The following PTPRT variants were observed in gnomAD, a reference collection of about 807,000 sequenced individuals.
PTPRT encodes the protein protein tyrosine phosphatase receptor type T.
Under a neutral mutation model 176.8 loss-of-function variants are expected in PTPRT, and 56 were observed. That is an observed-to-expected ratio of 0.32 (90% CI 0.26 to 0.40). PTPRT has a LOEUF of 0.40. Among genes scored for constraint, PTPRT ranks in the 10% least tolerant of loss-of-function variants. The probability of loss-of-function intolerance (pLI) is 1.00; values close to 1 mark genes in which losing one functional copy is unlikely to be tolerated. For synonymous variants in PTPRT, 783 were observed against 739.0 expected (o/e 1.06, Z -0.96); for missense variants, 1,540 against 1,908.2 (o/e 0.81, Z 3.60).
intron 1 of PTPRT, among the ~76,000 whole-genome samples, chr20:42,940,424 G>A (rs772257386): frequency 1.3e-5 from 2 of 152,190 alleles, no homozygotes; most frequent in African/African-American, 4.8e-5. Context: ...TATTTCAAGA[G>A]AGATAAAAAC....
intron 1 of PTPRT, among the ~76,000 whole-genome samples, chr20:43,000,088 A>AGGGT (rs1463405696): frequency 2.8e-5 from 1 of 35,306 alleles, no homozygotes; most frequent in Non-Finnish European, 5.4e-5. Context: ...GGAGGGAGGG[A>AGGGT]GGGAGGGAGG....
intron 13 of PTPRT, among the ~76,000 whole-genome samples, chr20:42,254,332 T>C (rs2056600267): frequency 6.6e-6 from 1 of 151,916 alleles, no homozygotes; most frequent in Admixed American, 6.6e-5. Flanking sequence ...AACTTGGGAG[T>C]CTATAAAAAA....
At chr20:42,375,319 C>T (rs1289819681) in intron 9 of PTPRT, among the ~76,000 whole-genome samples, 1 of 152,124 alleles carries the variant, frequency 6.6e-6, no homozygotes, top group Non-Finnish European at 1.5e-5. Context: ...ACAAGGGGTG[C>T]CACGGTGTAA....
intron 1 of PTPRT, among the ~76,000 whole-genome samples, chr20:43,182,307 C>T (rs926979017): frequency 6.6e-6 from 1 of 151,972 alleles, no homozygotes; most frequent in African/African-American, 2.4e-5. Flanking sequence ...AACTGTGGAA[C>T]ATGTAGTCGG....
the PTPRT span, among the ~76,000 whole-genome samples, chr20:42,062,557 A>G: frequency 1.3e-5 from 2 of 152,198 alleles, no homozygotes; most frequent in African/African-American, 4.8e-5. Context: ...TATTCCCAAC[A>G]TCATGCACAT....
At chr20:42,428,167 G>A (rs1360862815) in intron 9 of PTPRT, among the ~76,000 whole-genome samples, 2 of 152,276 alleles carry the variant, frequency 1.3e-5, no homozygotes, top group East Asian at 1.9e-4. Flanking sequence ...TCAGACTATG[G>A]CCACCCCCAG....
At chr20:42,068,723 A>C (rs1489007909), downstream of PTPRT, among the ~76,000 whole-genome samples, 5 of 152,208 alleles carry the variant, frequency 3.3e-5, no homozygotes, top group Non-Finnish European at 7.3e-5. Context: ...TGTGTCTTGT[A>C]ATCAGAGGAA....
chr20:42,619,992 G>A (rs1338726368), intron 7 of PTPRT, among the ~76,000 whole-genome samples: 2 of 149,972 alleles, frequency 1.3e-5, no homozygotes, highest in Non-Finnish European at 1.5e-5. Context: ...GAGGAACTGC[G>A]TTCCTTTGGA....
At chr20:43,111,593 T>C (rs1419859929) in intron 1 of PTPRT, among the ~76,000 whole-genome samples, 1 of 150,912 alleles carries the variant, frequency 6.6e-6, no homozygotes, top group Non-Finnish European at 1.5e-5. Context: ...ATGGGACTTG[T>C]ATATCCACTT....
intron 6 of PTPRT, among the ~76,000 whole-genome samples, chr20:42,698,178 C>T (rs2075913314): frequency 6.6e-6 from 1 of 152,160 alleles, no homozygotes; most frequent in Admixed American, 6.5e-5. Flanking sequence ...GGTTTCCCAA[C>T]AGCTAGTGTG....
intron 12 of PTPRT, among the ~76,000 whole-genome samples, chr20:42,309,034 C>T (rs557676420): frequency 6.6e-6 from 1 of 152,294 alleles, no homozygotes; most frequent in East Asian, 1.9e-4. Flanking sequence ...CACCCTGCTA[C>T]TTCCCACTTC....
chr20:42,765,505 A>AT (rs983412403), intron 5 of PTPRT, among the ~76,000 whole-genome samples: 1 of 151,620 alleles, frequency 6.6e-6, no homozygotes, highest in African/African-American at 2.4e-5. Context: ...AAAAGTGACC[A>AT]TTTTTCTTTT....
chr20:42,255,803 C>T (rs1361190434), intron 13 of PTPRT, among the ~76,000 whole-genome samples: 1 of 152,104 alleles, frequency 6.6e-6, no homozygotes, highest in African/African-American at 2.4e-5. Flanking sequence ...CAAGTAAATC[C>T]CAATGGATGC....
chr20:42,560,028 C>T (rs1195693723), intron 7 of PTPRT, among the ~76,000 whole-genome samples: 1 of 152,158 alleles, frequency 6.6e-6, no homozygotes, highest in East Asian at 1.9e-4. Context: ...TGACAGCAAA[C>T]ATTAAAAGAG....
intron 15 of PTPRT, among the ~76,000 whole-genome samples, chr20:42,233,358 C>T: frequency 6.6e-6 from 1 of 152,186 alleles, no homozygotes; most frequent in Admixed American, 6.5e-5. Context: ...AAGACGTCTC[C>T]ATTTCCAGGA....
chr20:43,087,755 G>A (rs1250326025), intron 1 of PTPRT, among the ~76,000 whole-genome samples: 4 of 152,094 alleles, frequency 2.6e-5, no homozygotes, highest in Non-Finnish European at 5.9e-5. Flanking sequence ...AAGGGAGGGC[G>A]ATGGTTTTAA....
intron 3 of PTPRT, among the ~76,000 whole-genome samples, chr20:42,789,773 T>A (rs575678129): frequency 2.0e-5 from 3 of 152,212 alleles, no homozygotes; most frequent in African/African-American, 7.2e-5. Flanking sequence ...AGTCTAAATA[T>A]TGAGGGTAAT....
chr20:42,097,918 C>T (rs755357087), intron 27 of PTPRT, among the ~76,000 whole-genome samples: 7 of 152,140 alleles, frequency 4.6e-5, no homozygotes, highest in African/African-American at 9.7e-5. Context: ...GGAAGCCTGC[C>T]GGGGAACAAA....
chr20:42,916,386 C>G (rs951785233), intron 1 of PTPRT, among the ~76,000 whole-genome samples: 2 of 152,076 alleles, frequency 1.3e-5, no homozygotes, highest in Admixed American at 6.5e-5. Flanking sequence ...TAGGTTGGTT[C>G]CAAGTCTTTG....
Sources: gnomAD v4.1 joint callset for allele counts (sites outside exome capture counted in the v4.1 genomes callset) on GRCh38, gnomAD v4.1.1 for gene constraint, MANE v1.5 for transcripts, NCBI Gene and HGNC (gene_info 2026-07-23, HGNC 2026-07-21) for gene names.